Variants in RIMS2 observed in about 807,000 individuals in gnomAD.
RIMS2 encodes the protein regulating synaptic membrane exocytosis 2.
In RIMS2, 59 loss-of-function variants were observed where a neutral mutation model predicts 174.4. The ratio of observed to expected loss-of-function variants is 0.34; its 90% CI spans 0.27 to 0.42. The LOEUF (loss-of-function observed/expected upper bound fraction) is 0.42. Among genes scored for constraint, RIMS2 ranks in the 10% least tolerant of loss-of-function variants. The pLI, the probability that RIMS2 is intolerant of heterozygous loss-of-function variation, is 1.00. For synonymous variants in RIMS2, 606 were observed against 572.5 expected (o/e 1.06, Z -0.84); for missense variants, 1,620 against 1,666.3 (o/e 0.97, Z 0.48).
chr8:103,986,960 C>T (rs929527973), intron 16 of RIMS2, among the ~76,000 whole-genome samples: 20 of 151,792 alleles, frequency 1.3e-4, no homozygotes, highest in African/African-American at 4.6e-4. Context: ...ACTCTCTTCC[C>T]GCCATCCACC....
chr8:104,106,172 A>C (rs2098060229), intron 19 of RIMS2, among the ~76,000 whole-genome samples: 1 of 152,028 alleles, frequency 6.6e-6, no homozygotes, highest in African/African-American at 2.4e-5. Context: ...GGCCACAGAC[A>C]GTCCTCTCAC....
chr8:104,019,949 T>G (rs1428862928), intron 19 of RIMS2, among the ~76,000 whole-genome samples: 1 of 152,114 alleles, frequency 6.6e-6, no homozygotes, highest in Non-Finnish European at 1.5e-5. Flanking sequence ...TTTATTTATT[T>G]TAAATTCATT....
At chr8:103,912,585 G>GTA (rs1337904890) in intron 6 of RIMS2, among the ~76,000 whole-genome samples, 3 of 151,998 alleles carry the variant, frequency 2.0e-5, no homozygotes, top group Non-Finnish European at 4.4e-5. Context: ...TTGCATATGT[G>GTA]TATATATATA....
intron 16 of RIMS2, among the ~76,000 whole-genome samples, chr8:103,982,604 A>T (rs117927160): frequency 0.05 from 7,634 of 152,196 alleles, 266 homozygotes; most frequent in Non-Finnish European, 0.071. Flanking sequence ...ACATATACAA[A>T]CCAATTAATG....
At chr8:104,192,975 A>G (rs898734030) in intron 19 of RIMS2, among the ~76,000 whole-genome samples, 7 of 152,152 alleles carry the variant, frequency 4.6e-5, no homozygotes, top group African/African-American at 1.7e-4. Context: ...AAACACTTAG[A>G]GAAACTAGAG....
At chr8:104,251,858 A>AT in exon 24 of RIMS2, 1 of 1,031,982 alleles carries the variant, frequency 9.7e-7, no homozygotes. Context: ...AACCAGCGTT[A>AT]CAAAAAAAAA....
At chr8:103,840,256 A>G (rs1282658348) in intron 3 of RIMS2, among the ~76,000 whole-genome samples, 2 of 151,852 alleles carry the variant, frequency 1.3e-5, no homozygotes, top group Non-Finnish European at 1.5e-5. Context: ...CATTTCCTTG[A>G]CTCCTCCAGT....
Position 104,002,698 on chromosome 8 carries a change from G to C in RIMS2, c.3045-10744G>C, listed in dbSNP as rs565629745. Among the ~76,000 whole-genome samples, 8 of 152,266 alleles carry C rather than the reference G, an allele frequency of 5.3e-5. No individual in the cohort carries two copies. The South Asian group carries it at 1.5e-3, about 28-fold the overall frequency. ...AACTTTCTAAATGAATGGGATGAAGGTAGTAAATTTAACATGGCATCCCCA... is the reference window on the plus strand; with the variant it reads ...AACTTTCTAAATGAATGGGATGAAGCTAGTAAATTTAACATGGCATCCCCA... On this transcript the variant is annotated intron_variant, in intron 17 of 23. Transcript: ENST00000504942.
At chr8:103,785,475 A>T (rs1015758877) in intron 3 of RIMS2, among the ~76,000 whole-genome samples, 9 of 152,070 alleles carry the variant, frequency 5.9e-5, no homozygotes, top group Admixed American at 2.6e-4. Context: ...AGTTTTTAGC[A>T]TGAAGGGTTG....
intron 1 of RIMS2, among the ~76,000 whole-genome samples, chr8:103,580,342 G>T (rs1018616107): frequency 9.2e-5 from 14 of 151,756 alleles, no homozygotes; most frequent in African/African-American, 3.4e-4. Context: ...GGTGGAAAAA[G>T]ATATTTCATT....
intron 19 of RIMS2, among the ~76,000 whole-genome samples, chr8:104,201,958 G>C (rs1265857964): frequency 6.6e-6 from 1 of 152,140 alleles, no homozygotes; most frequent in Non-Finnish European, 1.5e-5. Flanking sequence ...AATAAGAGTT[G>C]AAGTATGCCT....
intron 4 of RIMS2, among the ~76,000 whole-genome samples, chr8:103,891,577 T>G (rs1454409011): frequency 6.6e-6 from 1 of 152,052 alleles, no homozygotes; most frequent in African/African-American, 2.4e-5. Flanking sequence ...TGTGGAGAGT[T>G]TTAGTTTCTT....
intron 17 of RIMS2, among the ~76,000 whole-genome samples, chr8:103,995,122 T>C (rs1435995384): frequency 6.6e-6 from 1 of 152,090 alleles, no homozygotes; most frequent in Non-Finnish European, 1.5e-5. Flanking sequence ...AATCTTCTGT[T>C]TATGTTTCTA....
At chr8:104,184,021 T>A (rs1280660233) in intron 19 of RIMS2, among the ~76,000 whole-genome samples, 1 of 151,558 alleles carries the variant, frequency 6.6e-6, no homozygotes, top group Non-Finnish European at 1.5e-5. Flanking sequence ...ATTGTATTTT[T>A]TCCTATGGCC....
intron 1 of RIMS2, among the ~76,000 whole-genome samples, chr8:103,636,011 G>A (rs1465275806): frequency 1.3e-5 from 2 of 152,128 alleles, no homozygotes; most frequent in Non-Finnish European, 1.5e-5. Flanking sequence ...CATTTTGGTA[G>A]GGCAGCTGTG....
At chr8:103,751,590 A>T (rs934381679) in intron 2 of RIMS2, among the ~76,000 whole-genome samples, 4 of 151,450 alleles carry the variant, frequency 2.6e-5, no homozygotes, top group African/African-American at 9.7e-5. Flanking sequence ...CTATTTCTCC[A>T]CATCCTCTCC....
intron 3 of RIMS2, chr8:103,819,623 A>C: frequency 1.2e-6 from 2 of 1,609,932 alleles, no homozygotes; most frequent in Non-Finnish European, 1.7e-6. Context: ...ACACTGAACA[A>C]TGCAAGGTGA....
chr8:103,626,211 T>G (rs972878916), intron 1 of RIMS2, among the ~76,000 whole-genome samples: 2 of 152,178 alleles, frequency 1.3e-5, no homozygotes, highest in African/African-American at 2.4e-5. Context: ...ACAGAATTGT[T>G]GAATGTTGAA....
intron 1 of RIMS2, among the ~76,000 whole-genome samples, chr8:103,640,441 G>A (rs1204996886): frequency 6.6e-6 from 1 of 151,512 alleles, no homozygotes; most frequent in Admixed American, 6.6e-5. Flanking sequence ...TCTTTTTCTA[G>A]TTTACTAAGG....
Sources: gnomAD v4.1 joint callset for allele counts (sites outside exome capture counted in the v4.1 genomes callset) on GRCh38, gnomAD v4.1.1 for gene constraint, MANE v1.5 for transcripts, NCBI Gene and HGNC (gene_info 2026-07-23, HGNC 2026-07-21) for gene names.